PCNT: variants seen among roughly 807,000 people sequenced by gnomAD.
PCNT encodes the protein pericentrin.
A neutral mutation model predicts 380.4 loss-of-function variants in PCNT; 319 were observed. That is an observed-to-expected ratio of 0.84 (90% CI 0.77 to 0.92). The LOEUF (loss-of-function observed/expected upper bound fraction) is 0.92. Among genes scored for constraint, PCNT ranks in the 40% least tolerant of loss-of-function variants. The probability of loss-of-function intolerance (pLI) is 0.00; values close to 1 mark genes in which losing one functional copy is unlikely to be tolerated. For synonymous variants in PCNT, 1,845 were observed against 1,735.2 expected (o/e 1.06, Z -1.57); for missense variants, 4,400 against 4,255.3 (o/e 1.03, Z -0.95).
intron 33 of PCNT, among the ~76,000 whole-genome samples, chr21:46,426,664 C>T (rs957452906): frequency 6.6e-6 from 1 of 152,188 alleles, no homozygotes; most frequent in African/African-American, 2.4e-5. Flanking sequence ...CACCCCAAGC[C>T]CCAGCAACTG....
chr21:46,330,205 C>G (rs1422915266), intron 2 of PCNT, among the ~76,000 whole-genome samples: 1 of 151,956 alleles, frequency 6.6e-6, no homozygotes, highest in Non-Finnish European at 1.5e-5. Flanking sequence ...CCAGCCTTGA[C>G]CTCCTGGCCT....
At chr21:46,409,196 T>C (rs1446542075) in intron 27 of PCNT, among the ~76,000 whole-genome samples, 1 of 149,350 alleles carries the variant, frequency 6.7e-6, no homozygotes, top group Non-Finnish European at 1.5e-5. Context: ...TTTACTTTTT[T>C]TTTTTTTTTT....
At chr21:46,349,849 T>C in intron 8 of PCNT, 29 bp downstream of exon 8, 1 of 1,608,856 alleles carries the variant, frequency 6.2e-7, no homozygotes, top group Non-Finnish European at 8.5e-7. Flanking sequence ...ATTTAATTAC[T>C]TGGTATATTA....
chr21:46,376,018 C>T (rs556160349), intron 15 of PCNT, among the ~76,000 whole-genome samples: 4 of 152,268 alleles, frequency 2.6e-5, no homozygotes, highest in African/African-American at 7.2e-5. Context: ...CTGCCATGCC[C>T]GGGCGTCCTG....
intron 33 of PCNT, among the ~76,000 whole-genome samples, chr21:46,427,138 A>T (rs2147925849): frequency 6.6e-6 from 1 of 152,352 alleles, no homozygotes; most frequent in Middle Eastern, 3.4e-3. Context: ...AAAAGAGGGA[A>T]GGAGCTTTGC....
intron 27 of PCNT, among the ~76,000 whole-genome samples, chr21:46,404,707 T>A (rs928086824): frequency 9.2e-5 from 14 of 152,202 alleles, no homozygotes; most frequent in African/African-American, 3.4e-4. Flanking sequence ...CTCAGCACTT[T>A]GGGAGACTGA....
chr21:46,431,322 C>T lies in PCNT; in HGVS notation c.8065-207C>T, dbSNP rs138721694. The T allele has an allele frequency of 3.7e-4, 523 of 1,428,406 alleles. 4 individuals carry two copies. In the East Asian group the frequency reaches 8.5e-3, roughly 23 times the overall value. 88.5% of individuals were successfully genotyped at this position (1,428,406 alleles called of 1,614,324 possible). A position where few individuals can be genotyped will look rare whatever the true frequency, so the allele number is the denominator to read the frequency against. On this transcript the variant is annotated intron_variant, in intron 37 of 46. Coordinates refer to ENST00000359568, the MANE Select transcript of PCNT (RefSeq NM_006031.6). Reference sequence around the variant, plus strand: ...TGAACCCAGGACTCAACACCATTTCCGAAAAAAGTATGTCATCTCCGCAGT... The same window carrying T: ...TGAACCCAGGACTCAACACCATTTCTGAAAAAAGTATGTCATCTCCGCAGT...
At position 46,440,762 on chromosome 21, in the gene PCNT, A is replaced by T. The variant is rs552077704; in HGVS notation, c.9394-93A>T. 879 of 823,642 alleles carry T rather than the reference A, an allele frequency of 1.1e-3. 2 individuals carry two copies. Among genetic ancestry groups the T allele is most frequent in the Non-Finnish European group, 1.6e-3 (789 of 480,036 alleles). 51.0% of individuals were successfully genotyped at this position (823,642 alleles called of 1,614,324 possible). ...TGATTTGATGGGAAAAAACAATCTG[A>T]CTCTTTGGAAAGAGCAATGGTGTTA... is the stretch of plus-strand genomic sequence containing the variant. On this transcript the variant is annotated intron_variant, in intron 42 of 46. Coordinates refer to ENST00000359568, the MANE Select transcript of PCNT (RefSeq NM_006031.6).
intron 24 of PCNT, among the ~76,000 whole-genome samples, chr21:46,398,639 C>T (rs1353336761): frequency 6.6e-6 from 1 of 152,188 alleles, no homozygotes; most frequent in Non-Finnish European, 1.5e-5. Flanking sequence ...GGCAACCACT[C>T]ATCTGTCGTC....
chr21:46,352,035 C>A (rs375504700), intron 9 of PCNT, among the ~76,000 whole-genome samples: 94 of 152,334 alleles, frequency 6.2e-4, no homozygotes, highest in African/African-American at 2.2e-3. Context: ...GACCCCAGGC[C>A]CCCCATTCCG....
intron 27 of PCNT, among the ~76,000 whole-genome samples, chr21:46,405,289 G>A (rs2086590100): frequency 6.6e-6 from 1 of 152,222 alleles, no homozygotes; most frequent in Non-Finnish European, 1.5e-5. Flanking sequence ...TCTCCAGTTT[G>A]TCACTTTTAA....
intron 8 of PCNT, 35 bp from the exon 9 acceptor site, chr21:46,351,394 A>C (rs1259191293): frequency 8.5e-7 from 1 of 1,180,574 alleles, no homozygotes; most frequent in East Asian, 2.3e-5. Context: ...CCTTGAGCTC[A>C]TTAGGGTTTC....
chr21:46,374,864 AAAAAAAAGTT>A (rs2085283595), intron 15 of PCNT, among the ~76,000 whole-genome samples: 3 of 151,650 alleles, frequency 2.0e-5, no homozygotes, highest in African/African-American at 7.3e-5. Context: ...AAAAAAAAAA[AAAAAAAAGTT>A]ACACAGAGCC....
At chr21:46,445,226 T>G in intron 46 of PCNT, 58 bp from the exon 47 acceptor site, 1 of 1,203,920 alleles carries the variant, frequency 8.3e-7, no homozygotes, top group Non-Finnish European at 1.2e-6. Context: ...GGAATTCTTT[T>G]CAAAAAATCT....
rs1421759803 is a variant in PCNT, at chr21:46,398,108, C to A, written c.4541C>A (p.Pro1514His). Residue 1514 changes from proline to histidine, a missense_variant, in exon 23 of 47, where the codon CCC becomes CAC. Pro to His is a moderately conservative substitution (Grantham distance 77). Coordinates refer to ENST00000359568, the MANE Select transcript of PCNT (RefSeq NM_006031.6). ...CTCCGCCAGGCGGCCAAGCCGCAGC[C>A]CTGGGGCCCTCGCGACAGCCAGGTG... The part of the protein sequence containing the change: ...GQLRQAAKPQ[P>H]WGPRDSQQAP... 1 of 1,604,780 alleles carries A rather than the reference C, an allele frequency of 6.2e-7. No individual in the cohort carries two copies. Among genetic ancestry groups the A allele is most frequent in the African/African-American group, 1.3e-5 (1 of 74,888 alleles).
At chr21:46,419,833 C>T (rs1385037367) in intron 31 of PCNT, among the ~76,000 whole-genome samples, 2 of 152,144 alleles carry the variant, frequency 1.3e-5, no homozygotes, top group Admixed American at 6.5e-5. Context: ...CTCCACCTCC[C>T]GTACTCAAGT....
chr21:46,385,794 A>G, intron 16 of PCNT, 38 bp from the exon 17 acceptor site: 1 of 1,612,410 alleles, frequency 6.2e-7, no homozygotes, highest in Admixed American at 1.7e-5. Context: ...TTTTAACCAA[A>G]TTGTTTTAAC....
chr21:46,345,169 C>G (rs755627981), intron 3 of PCNT, among the ~76,000 whole-genome samples: 2 of 152,208 alleles, frequency 1.3e-5, no homozygotes, highest in African/African-American at 4.8e-5. Flanking sequence ...CGTGGCAGCA[C>G]TGCTGTGGCG....
At chr21:46,364,228 T>C (rs2084820203) in intron 14 of PCNT, among the ~76,000 whole-genome samples, 1 of 150,472 alleles carries the variant, frequency 6.6e-6, no homozygotes, top group South Asian at 2.1e-4. Flanking sequence ...CTGGCCGCAG[T>C]GGGACAGCTT....
Sources: gnomAD v4.1 joint callset for allele counts (sites outside exome capture counted in the v4.1 genomes callset) on GRCh38, gnomAD v4.1.1 for gene constraint, MANE v1.5 for transcripts, NCBI Gene and HGNC (gene_info 2026-07-23, HGNC 2026-07-21) for gene names.